The following ANKRD12 variants were observed in gnomAD, a reference collection of about 807,000 sequenced individuals.
ANKRD12 encodes ankyrin repeat domain 12.
ANKRD12 carries 85 observed loss-of-function variants against 183.4 expected under a neutral mutation model. That is an observed-to-expected ratio of 0.46 (90% CI 0.39 to 0.56). The LOEUF (loss-of-function observed/expected upper bound fraction) is 0.56, where lower values mean the gene tolerates loss of function less well. Among genes scored for constraint, ANKRD12 ranks in the 20% least tolerant of loss-of-function variants. The pLI is 0.00. For synonymous variants in ANKRD12, 914 were observed against 800.2 expected (o/e 1.14, Z -2.40); for missense variants, 2,405 against 2,357.1 (o/e 1.02, Z -0.42).
chr18:9,206,687 G>A lies in ANKRD12; in HGVS notation c.305-1970G>A, dbSNP rs142938455. On this transcript the variant is annotated intron_variant, in intron 4 of 12. Coordinates refer to ENST00000262126, the MANE Select transcript of ANKRD12 (RefSeq NM_015208.5). ...GATTCGAATTTTGTTTTAAATATTT[G>A]GAATATATCCAATTTGTTTCTTTCT... 7.3e-3 allele frequency among the ~76,000 whole-genome samples: 1,112 copies of A among 151,966 alleles called. 14 individuals carry two copies. Among genetic ancestry groups the A allele is most frequent in the African/African-American group, 0.026 (1,070 of 41,478 alleles).
At chr18:9,207,405 G>A (rs1421651679) in intron 4 of ANKRD12, among the ~76,000 whole-genome samples, 3 of 151,954 alleles carry the variant, frequency 2.0e-5, no homozygotes, top group African/African-American at 7.2e-5. Flanking sequence ...TTTAGGAAAT[G>A]TTTAATTTTG....
At position 9,153,645 on chromosome 18, in the gene ANKRD12, C is replaced by T. The variant is rs141540207; in HGVS notation, c.-52+16680C>T. Among the ~76,000 whole-genome samples the T allele has an allele frequency of 3.5e-3, 530 of 152,030 alleles. 4 individuals carry two copies. The highest frequency in any genetic ancestry group is 6.3e-3 in the Non-Finnish European group (429 of 67,946). On this transcript the variant is annotated intron_variant, in intron 1 of 12. Coordinates refer to ENST00000262126, the MANE Select transcript of ANKRD12 (RefSeq NM_015208.5). Reference sequence around the variant, plus strand: ...CATTTTTTCAAATATTTTGTTTTCTCCATTTTCTTCTCTTTATGGAAAAAT... The same window carrying T: ...CATTTTTTCAAATATTTTGTTTTCTTCATTTTCTTCTCTTTATGGAAAAAT...
At chr18:9,147,781 ATAAT>A (rs2078542756) in intron 1 of ANKRD12, among the ~76,000 whole-genome samples, 1 of 152,242 alleles carries the variant, frequency 6.6e-6, no homozygotes, top group African/African-American at 2.4e-5. Flanking sequence ...ACCAAACAAA[ATAAT>A]TATTTTAGGA....
At chr18:9,174,929 CATTTATTTATTT>C (rs36102081) in intron 1 of ANKRD12, among the ~76,000 whole-genome samples, 3 of 150,068 alleles carry the variant, frequency 2.0e-5, no homozygotes, top group Admixed American at 6.6e-5. Flanking sequence ...CAGACCAAAG[CATTTATTTATTT>C]ATTTATTTAT....
chr18:9,146,718 C>G (rs190814994), intron 1 of ANKRD12, among the ~76,000 whole-genome samples: 79 of 152,282 alleles, frequency 5.2e-4, no homozygotes, highest in African/African-American at 1.8e-3. Flanking sequence ...GTTTATAATT[C>G]TAAGTGACTT....
At chr18:9,275,489 A>G (rs1012994505) in intron 10 of ANKRD12, 35 bp from the exon 11 acceptor site, 17 of 1,589,294 alleles carry the variant, frequency 1.1e-5, no homozygotes, top group Non-Finnish European at 1.5e-5. Flanking sequence ...AATTTGTTGA[A>G]GAATTTATTT....
chr18:9,158,754 A>G (rs1275466303), intron 1 of ANKRD12, among the ~76,000 whole-genome samples: 1 of 152,106 alleles, frequency 6.6e-6, no homozygotes, highest in African/African-American at 2.4e-5. Context: ...CCACACTTAC[A>G]TGCTCTTCCT....
intron 8 of ANKRD12, among the ~76,000 whole-genome samples, chr18:9,227,687 A>G (rs1003736407): frequency 6.6e-6 from 1 of 152,148 alleles, no homozygotes; most frequent in East Asian, 1.9e-4. Flanking sequence ...TTTTTTCACT[A>G]TATAATCATT....
intron 7 of ANKRD12, among the ~76,000 whole-genome samples, chr18:9,218,665 CTT>C (rs58382120): frequency 3.1e-4 from 45 of 142,882 alleles, no homozygotes; most frequent in East Asian, 4.0e-4. Context: ...CTTCTTTTTT[CTT>C]TTTTTTTTTT....
At chr18:9,195,320 C>T (rs1192287169) in intron 2 of ANKRD12, among the ~76,000 whole-genome samples, 1 of 151,950 alleles carries the variant, frequency 6.6e-6, no homozygotes, top group African/African-American at 2.4e-5. Flanking sequence ...CACAGGTACC[C>T]CTGAACGTAA....
At chr18:9,163,250 T>C (rs1011341891) in intron 1 of ANKRD12, among the ~76,000 whole-genome samples, 3 of 152,312 alleles carry the variant, frequency 2.0e-5, no homozygotes, top group Admixed American at 2.0e-4. Flanking sequence ...AGTTTCAATT[T>C]TTTTGCATAT....
At chr18:9,170,751 G>T (rs1424041442) in intron 1 of ANKRD12, among the ~76,000 whole-genome samples, 2 of 152,202 alleles carry the variant, frequency 1.3e-5, no homozygotes, top group Non-Finnish European at 2.9e-5. Context: ...CTGGTGAGGA[G>T]CTGCGTTCCT....
chr18:9,257,706 AGGATCC>A lies in ANKRD12; in HGVS notation c.4442_4447del (p.Asp1481_Pro1482del). On this transcript the variant is annotated inframe_deletion, in exon 9 of 13. Transcript: ENST00000262126. ...GAACTGCCAGGAAACTCTTGTGCTC[AGGATCC>A]GGCATCCTTTATGCCTCCACAGCAG... is the stretch of plus-strand genomic sequence containing the variant. The A allele has an allele frequency of 6.2e-7, 1 of 1,614,074 alleles. No individual in the cohort carries two copies. Among genetic ancestry groups the A allele is most frequent in the Non-Finnish European group, 8.5e-7 (1 of 1,179,976 alleles).
At chr18:9,139,423 G>C (rs1225983003) in intron 1 of ANKRD12, among the ~76,000 whole-genome samples, 1 of 152,150 alleles carries the variant, frequency 6.6e-6, no homozygotes. Flanking sequence ...CGTTGGAGAA[G>C]AGATTTTTAT....
chr18:9,184,485 C>T (rs2033914476), intron 2 of ANKRD12, among the ~76,000 whole-genome samples: 1 of 152,006 alleles, frequency 6.6e-6, no homozygotes, highest in Admixed American at 6.6e-5. Context: ...CTTGACCTCC[C>T]AGGCTCAAGC....
chr18:9,198,292 C>A (rs1447413238), intron 3 of ANKRD12, among the ~76,000 whole-genome samples: 1 of 151,936 alleles, frequency 6.6e-6, no homozygotes, highest in Non-Finnish European at 1.5e-5. Flanking sequence ...CCAGAAAATA[C>A]AAGTGGTTCA....
intron 11 of ANKRD12, among the ~76,000 whole-genome samples, chr18:9,279,259 C>T (rs1378298768): frequency 2.0e-5 from 3 of 152,110 alleles, no homozygotes; most frequent in African/African-American, 4.8e-5. Flanking sequence ...ATGTCACGGG[C>T]ACAGTACTTA....
intron 1 of ANKRD12, among the ~76,000 whole-genome samples, chr18:9,167,070 G>A (rs943277632): frequency 2.0e-5 from 3 of 151,858 alleles, no homozygotes; most frequent in Admixed American, 1.3e-4. Flanking sequence ...TGTTCCATTG[G>A]TCTATATCTC....
chr18:9,187,915 G>C (rs1305469851), intron 2 of ANKRD12, among the ~76,000 whole-genome samples: 2 of 152,122 alleles, frequency 1.3e-5, no homozygotes, highest in Non-Finnish European at 2.9e-5. Flanking sequence ...TCCTCTCCAA[G>C]TGACTATTGA....
Sources: gnomAD v4.1 joint callset for allele counts (sites outside exome capture counted in the v4.1 genomes callset) on GRCh38, gnomAD v4.1.1 for gene constraint, MANE v1.5 for transcripts, NCBI Gene and HGNC (gene_info 2026-07-23, HGNC 2026-07-21) for gene names.